The following CCDC138 variants were observed in gnomAD, a reference collection of about 807,000 sequenced individuals.
CCDC138 encodes coiled-coil domain containing 138, also known as coiled-coil domain-containing protein 138.
A neutral mutation model predicts 82.3 loss-of-function variants in CCDC138; 66 were observed. The observed-to-expected ratio is 0.80, with a 90% CI of 0.66 to 0.98. The LOEUF (loss-of-function observed/expected upper bound fraction) is 0.98. Among genes scored for constraint, CCDC138 ranks in the 50% least tolerant of loss-of-function variants. CCDC138 has a pLI of 0.00. For synonymous variants in CCDC138, 297 were observed against 265.4 expected, an observed-to-expected ratio of 1.12 and a Z score of -1.16; for missense variants, 816 against 758.9, an observed-to-expected ratio of 1.08 and a Z score of -0.88.
rs759870091 is a variant in CCDC138 at position 108,876,109 on chromosome 2, A to G, written c.1854A>G (p.Glu618=). Residue 618 remains glutamate (E), a synonymous_variant, in exon 15 of 15, where the codon GAA becomes GAG. Transcript: ENST00000295124. ...SKIKSNKKLF[E]LFTIHLMLQE... is the part of the protein sequence containing the mutation. Reference sequence around the variant, plus strand: ...ACAGGAGTAATAAGAAGCTCTTTGAACTTTTTACGATTCATCTGATGCTTC... The same window carrying G: ...ACAGGAGTAATAAGAAGCTCTTTGAGCTTTTTACGATTCATCTGATGCTTC... The G allele has an allele frequency of 2.6e-5, 41 of 1,598,706 alleles. No homozygotes were observed. Among genetic ancestry groups the G allele is most frequent in the Non-Finnish European group, 3.4e-5 (40 of 1,167,034 alleles).
At chr2:108,856,705 A>G in intron 12 of CCDC138, 89 bp from the exon 13 acceptor site, 1 of 1,220,438 alleles carries the variant, frequency 8.2e-7, no homozygotes, top group Non-Finnish European at 1.2e-6. Flanking sequence ...TGAGTTTGTT[A>G]AAGTAACGAC....
At chr2:108,821,928 C>A (rs1416247681) in intron 10 of CCDC138, among the ~76,000 whole-genome samples, 322 of 130,682 alleles carry the variant, frequency 2.5e-3, no homozygotes, top group East Asian at 2.6e-3. Context: ...AACTTTGTCT[C>A]AAAAAAAAAA....
chr2:108,843,354 C>T (rs1296723044), intron 11 of CCDC138, among the ~76,000 whole-genome samples: 7 of 151,964 alleles, frequency 4.6e-5, no homozygotes, highest in Admixed American at 1.3e-4. Flanking sequence ...GATGGGGTTT[C>T]GCCATGTTGG....
intron 11 of CCDC138, among the ~76,000 whole-genome samples, chr2:108,841,572 T>G (rs1188852108): frequency 6.6e-6 from 1 of 152,220 alleles, no homozygotes; most frequent in Admixed American, 6.5e-5. Flanking sequence ...CTGGCTTCAT[T>G]TGATTCATGT....
chr2:108,817,027 A>G (rs1464976543), intron 10 of CCDC138, among the ~76,000 whole-genome samples: 2 of 152,174 alleles, frequency 1.3e-5, no homozygotes, highest in South Asian at 4.1e-4. Context: ...CCACTTATCA[A>G]TACTGTCATA....
intron 10 of CCDC138, among the ~76,000 whole-genome samples, chr2:108,836,511 C>T (rs754703487): frequency 8.5e-5 from 13 of 152,142 alleles, no homozygotes; most frequent in Non-Finnish European, 1.6e-4. Context: ...TCCCTTTGGA[C>T]ATATACCCAG....
In CCDC138 at chr2:108,858,700, C is replaced by CT. The variant is rs920075406; in HGVS notation, c.1693+1741dup. Among the ~76,000 whole-genome samples, 66 of 143,850 alleles carry CT rather than the reference C, an allele frequency of 4.6e-4. 1 individual carries two copies. Among genetic ancestry groups the CT allele is most frequent in the East Asian group, 2.2e-3 (11 of 4,966 alleles). The allele number at this position is 143,850 out of a possible 152,430, so 94.4% of individuals were successfully genotyped here. Reference sequence around the variant, plus strand: ...TTTAATTTTCTCATGCTATTTTTTTCTTTTTTTTTTTAATTTTAGATTTAG... The same window carrying CT: ...TTTAATTTTCTCATGCTATTTTTTTCTTTTTTTTTTTTAATTTTAGATTTAG... On this transcript the variant is annotated intron_variant, in intron 13 of 14. Coordinates refer to ENST00000295124, the MANE Select transcript of CCDC138 (RefSeq NM_144978.3).
chr2:108,869,479 C>T (rs1041982714), intron 13 of CCDC138, among the ~76,000 whole-genome samples: 29 of 152,070 alleles, frequency 1.9e-4, no homozygotes, highest in East Asian at 5.8e-4. Context: ...ACAGGGAATG[C>T]GGCATGGTTT....
chr2:108,826,437 A>G (rs1334910727), intron 10 of CCDC138, among the ~76,000 whole-genome samples: 2 of 152,144 alleles, frequency 1.3e-5, no homozygotes, highest in African/African-American at 2.4e-5. Flanking sequence ...TTTCATATAT[A>G]GTGTTGGAGG....
intron 7 of CCDC138, 31 bp downstream of exon 7, chr2:108,805,039 A>G: frequency 8.7e-7 from 1 of 1,155,150 alleles, no homozygotes; most frequent in Non-Finnish European, 1.2e-6. Flanking sequence ...TACTGAACAT[A>G]AGACATTCTA....
intron 10 of CCDC138, among the ~76,000 whole-genome samples, chr2:108,830,342 T>G (rs1230098172): frequency 6.6e-6 from 1 of 152,208 alleles, no homozygotes; most frequent in Non-Finnish European, 1.5e-5. Flanking sequence ...GTGATGATGG[T>G]TACACAACAG....
At chr2:108,788,577 G>A (rs1410425219) in intron 2 of CCDC138, among the ~76,000 whole-genome samples, 2 of 151,782 alleles carry the variant, frequency 1.3e-5, no homozygotes, top group Non-Finnish European at 2.9e-5. Context: ...AAAATTAGCC[G>A]GGTGTGGTGG....
chr2:108,811,601 C>A (rs754405046), intron 7 of CCDC138, among the ~76,000 whole-genome samples: 1 of 151,900 alleles, frequency 6.6e-6, no homozygotes, highest in Non-Finnish European at 1.5e-5. Context: ...TTCAAAAAGC[C>A]ACTTTTCATT....
intron 9 of CCDC138, among the ~76,000 whole-genome samples, chr2:108,813,248 CAAAAAA>C (rs371435296): frequency 3.1e-5 from 2 of 63,542 alleles, no homozygotes; most frequent in Non-Finnish European, 5.1e-5. Context: ...GACTCCGTCT[CAAAAAA>C]AAAAAAAAAA....
intron 4 of CCDC138, 92 bp from the exon 5 acceptor site, chr2:108,794,448 T>C: frequency 8.9e-7 from 1 of 1,124,994 alleles, no homozygotes; most frequent in Non-Finnish European, 1.2e-6. Context: ...TTATATTTTG[T>C]ACTTAAAGCA....
chr2:108,850,858 G>T (rs1691358677), intron 12 of CCDC138, among the ~76,000 whole-genome samples: 1 of 152,084 alleles, frequency 6.6e-6, no homozygotes, highest in South Asian at 2.1e-4. Context: ...AGACTTCTGT[G>T]ACAAAATGTG....
rs1695614607 is a variant in CCDC138 at position 108,873,691 on chromosome 2, T to C, written c.1832+102T>C. The C allele has an allele frequency of 5.6e-5, 38 of 679,216 alleles. No individual in the cohort carries two copies. The South Asian group carries it at 8.4e-4, about 15-fold the overall frequency. The allele number at this position is 679,216 out of a possible 1,614,324, so 42.1% of individuals were successfully genotyped here. ...TTTGGCTTCCCTGGGCCACACTGGATGAAGAAGAATTGCCTTGTGCCACAC... is the reference window on the plus strand; with the variant it reads ...TTTGGCTTCCCTGGGCCACACTGGACGAAGAAGAATTGCCTTGTGCCACAC... On this transcript the variant is annotated intron_variant, in intron 14 of 14. Transcript: ENST00000295124.
chr2:108,851,505 T>C (rs1691491331), intron 12 of CCDC138, among the ~76,000 whole-genome samples: 1 of 152,184 alleles, frequency 6.6e-6, no homozygotes, highest in Non-Finnish European at 1.5e-5. Context: ...TTTCACCACA[T>C]TGGCCAGGCT....
rs553782478 is a variant in CCDC138 at position 108,788,427 on chromosome 2, G to GA, written c.151+345dup. ...AAGAGCGAAACTCAGTCTCAAAAAA[G>GA]AAAAAAATAGGCTGCGCGCGGTGGC... On this transcript the variant is annotated intron_variant, in intron 2 of 14. Coordinates refer to ENST00000295124, the MANE Select transcript of CCDC138 (RefSeq NM_144978.3). Among the ~76,000 whole-genome samples the GA allele has an allele frequency of 3.7e-4, 43 of 115,384 alleles. No individual in the cohort carries two copies. In the South Asian group the frequency reaches 0.012, roughly 31 times the overall value. 75.7% of individuals were successfully genotyped at this position (115,384 alleles called of 152,430 possible).
Sources: allele counts gnomAD v4.1 joint callset (sites outside exome capture counted in the v4.1 genomes callset), GRCh38; gene constraint gnomAD v4.1.1; transcripts MANE v1.5; gene names NCBI Gene and HGNC (gene_info 2026-07-23, HGNC 2026-07-21).